The following ARL10 variants were observed in gnomAD, a reference collection of about 807,000 sequenced individuals.
ARL10 encodes the protein ARF like GTPase 10, also known as ADP-ribosylation factor-like protein 10.
Under a neutral mutation model 26.1 loss-of-function variants are expected in ARL10, and 23 were observed. The observed-to-expected ratio is 0.88, with a 90% CI of 0.63 to 1.25. ARL10 has a LOEUF of 1.25. Ranked by LOEUF, ARL10 falls within the 50% of genes most tolerant of loss-of-function variation. ARL10 has a pLI of 0.00. For synonymous variants in ARL10, 138 were observed against 149.1 expected, an observed-to-expected ratio of 0.93 and a Z score of 0.54; for missense variants, 300 against 323.6, an observed-to-expected ratio of 0.93 and a Z score of 0.56.
chr5:176,403,394 G>A (rs1208601257), downstream of ARL10, among the ~76,000 whole-genome samples: 2 of 151,690 alleles, frequency 1.3e-5, no homozygotes, highest in African/African-American at 4.8e-5. Context: ...CATTTAAAGG[G>A]CTTTCTTTAA....
chr5:176,368,893 C>G lies in ARL10; in HGVS notation c.472C>G (p.Arg158Gly). ...GGTGTTTGTGGTGGACTCGGCTGAC[C>G]GACTGCGGCTGCCCTGGGCCCGACA... ...VLVFVVDSADRLRLPWARQEL... is the reference protein window; with the variant it reads ...VLVFVVDSADGLRLPWARQEL... The change falls in exon 3 of 4, where the codon CGA becomes GGA. Residue 158 changes from arginine to glycine, a missense_variant. Physicochemically the swap from Arg to Gly is moderately radical, Grantham distance 125. Transcript: ENST00000310389. This position sits in a 1 kb window ranked among gnomAD's most constrained non-coding sequence, Gnocchi z 4.1. The G allele has an allele frequency of 6.2e-7, 1 of 1,614,138 alleles. No individual in the cohort carries two copies. Among genetic ancestry groups the G allele is most frequent in the Non-Finnish European group, 8.5e-7 (1 of 1,180,040 alleles).
chr5:176,382,324 C>A (rs568478048), downstream of ARL10, among the ~76,000 whole-genome samples: 6 of 152,210 alleles, frequency 3.9e-5, no homozygotes, highest in African/African-American at 1.4e-4. Flanking sequence ...GTGTTCCCCC[C>A]ACTGCCTAAA....
intron 1 of ARL10, among the ~76,000 whole-genome samples, chr5:176,400,608 C>T (rs1454636194): frequency 1.3e-5 from 2 of 152,352 alleles, no homozygotes; most frequent in Admixed American, 6.5e-5. Context: ...CTGGCACCCA[C>T]GCCCTCCGCA....
intron 1 of ARL10, chr5:176,386,973 C>T: frequency 7.2e-7 from 1 of 1,393,670 alleles, no homozygotes; most frequent in Non-Finnish European, 1.0e-6. Context: ...TAGACTCCTG[C>T]TTATCCCAAC....
chr5:176,397,873 C>T (rs1756623335), intron 1 of ARL10: 3 of 1,526,484 alleles, frequency 2.0e-6, no homozygotes, highest in Middle Eastern at 1.8e-4. Flanking sequence ...GAGGACTCCC[C>T]ACACTCCACC....
downstream of ARL10, among the ~76,000 whole-genome samples, chr5:176,403,072 C>T (rs1177623229): frequency 1.8e-4 from 24 of 132,900 alleles, no homozygotes; most frequent in African/African-American, 6.4e-4. Context: ...TTTTTTGAGG[C>T]GGAGTCTCGC....
In ARL10 at chr5:176,375,292, CCATCCATCCAT is replaced by C. The variant is rs1561776037; in HGVS notation, c.*3399_*3409del. 8.2e-5 allele frequency: 4 copies of C among 48,976 alleles called. No individual in the cohort carries two copies. Among genetic ancestry groups the C allele is most frequent in the Non-Finnish European group, 1.5e-4 (3 of 20,502 alleles). 3.0% of individuals were successfully genotyped at this position (48,976 alleles called of 1,614,324 possible). On this transcript the variant is annotated 3_prime_UTR_variant, in exon 4 of 4. Coordinates refer to ENST00000310389, the MANE Select transcript of ARL10 (RefSeq NM_173664.6). ...TCCACCCATCCATCCATCCACCCAT[CCATCCATCCAT>C]CCATCCATCCATCCATCCATCCATC...
At position 176,376,049 on chromosome 5, in the gene ARL10, C is replaced by G. The variant is rs1026574284; in HGVS notation, c.*4154C>G. 2.0e-5 allele frequency: 3 copies of G among 151,754 alleles called. No individual in the cohort carries two copies. Among genetic ancestry groups the G allele is most frequent in the Non-Finnish European group, 4.4e-5 (3 of 67,960 alleles). 9.4% of individuals were successfully genotyped at this position (151,754 alleles called of 1,614,324 possible). The stretch of plus-strand genomic sequence containing the variant: ...CTTCCAATGAGTGTAGGGAAGCAAG[C>G]AGTAGTGGTGTTTAGAATATCAAGG... On this transcript the variant is annotated 3_prime_UTR_variant, in exon 4 of 4. Coordinates refer to ENST00000310389, the MANE Select transcript of ARL10 (RefSeq NM_173664.6).
At chr5:176,388,803 G>T (rs746177958), downstream of ARL10, 6 of 1,608,578 alleles carry the variant, frequency 3.7e-6, no homozygotes, top group Non-Finnish European at 5.1e-6. Flanking sequence ...ATTTTCTCCT[G>T]CTGCTGTGGC....
downstream of ARL10, among the ~76,000 whole-genome samples, chr5:176,391,750 GA>G (rs1252902823): frequency 2.6e-5 from 4 of 152,238 alleles, no homozygotes; most frequent in African/African-American, 7.2e-5. Flanking sequence ...CCAGAAGCCA[GA>G]AGCAGGTGGA....
In ARL10 at chr5:176,378,412, A is replaced by G. The variant is rs1355212449; in HGVS notation, c.*6517A>G. On this transcript the variant is annotated 3_prime_UTR_variant, in exon 4 of 4. Coordinates refer to ENST00000310389, the MANE Select transcript of ARL10 (RefSeq NM_173664.6). ...TTACTCAAGATAGCTTGGAACTTAT[A>G]CCAATTTGTGATGGCAACAGGATAG... The G allele has an allele frequency of 6.6e-6, 1 of 152,238 alleles. No individual in the cohort carries two copies. The highest frequency in any genetic ancestry group is 1.5e-5 in the Non-Finnish European group (1 of 68,042). 9.4% of individuals were successfully genotyped at this position (152,238 alleles called of 1,614,324 possible).
chr5:176,396,296 TC>T (rs1756517787), intron 1 of ARL10, among the ~76,000 whole-genome samples: 2 of 152,158 alleles, frequency 1.3e-5, no homozygotes. Context: ...CCAAGCAGCC[TC>T]CACTTCACTG....
chr5:176,402,901 G>T (rs949285948), downstream of ARL10, among the ~76,000 whole-genome samples: 5 of 152,174 alleles, frequency 3.3e-5, no homozygotes, highest in African/African-American at 7.2e-5. Flanking sequence ...GCCAGCACGT[G>T]TAAGAATCAC....
downstream of ARL10, chr5:176,384,006 A>G: frequency 1.3e-6 from 2 of 1,536,672 alleles, no homozygotes; most frequent in Non-Finnish European, 1.7e-6. Flanking sequence ...TGAAAACAGC[A>G]GGTTCTGGCT....
intron 1 of ARL10, chr5:176,401,718 G>A: frequency 2.2e-6 from 1 of 456,230 alleles, no homozygotes; most frequent in Non-Finnish European, 4.4e-6. Context: ...AACCTCCTTT[G>A]CTTTCTTGGA....
Position 176,378,133 on chromosome 5 carries a change from G to A in ARL10, c.*6238G>A, listed in dbSNP as rs1285695893. Reference sequence around the variant, plus strand: ...CCAGGGGGCCATCTAGGCTCTCCATGAGTTCACGCTTAACATTATGTTTAC... The same window carrying A: ...CCAGGGGGCCATCTAGGCTCTCCATAAGTTCACGCTTAACATTATGTTTAC... On this transcript the variant is annotated 3_prime_UTR_variant, in exon 4 of 4. Transcript: ENST00000310389. 6.6e-6 allele frequency: 1 copy of A among 152,232 alleles called. No individual in the cohort carries two copies. Among genetic ancestry groups the A allele is most frequent in the African/African-American group, 2.4e-5 (1 of 41,448 alleles). 9.4% of individuals were successfully genotyped at this position (152,232 alleles called of 1,614,324 possible).
At chr5:176,407,075 G>C in the ARL10 span, among the ~76,000 whole-genome samples, 3 of 152,200 alleles carry the variant, frequency 2.0e-5, no homozygotes, top group African/African-American at 7.2e-5. Flanking sequence ...CTTAGTAACA[G>C]TGAGAATAAG....
chr5:176,394,676 A>T (rs188680498), intron 1 of ARL10, among the ~76,000 whole-genome samples: 1 of 152,080 alleles, frequency 6.6e-6, no homozygotes, highest in Admixed American at 6.5e-5. Context: ...TTAGCCGGGC[A>T]TGGTGGCGGG....
intron 1 of ARL10, among the ~76,000 whole-genome samples, chr5:176,394,055 C>T (rs888680792): frequency 2.6e-5 from 4 of 152,194 alleles, no homozygotes; most frequent in African/African-American, 9.7e-5. Flanking sequence ...TGCTCATTTC[C>T]TAGCCTGTAA....
Sources: gnomAD v4.1 joint callset for allele counts (sites outside exome capture counted in the v4.1 genomes callset) on GRCh38, gnomAD v4.1.1 for gene constraint, Gnocchi (gnomAD v3.1) non-coding constraint, MANE v1.5 for transcripts, NCBI Gene and HGNC (gene_info 2026-07-23, HGNC 2026-07-21) for gene names.